ADCY4: variants seen among roughly 807,000 people sequenced by gnomAD.
The protein encoded by ADCY4 is adenylate cyclase 4.
A neutral mutation model predicts 125.5 loss-of-function variants in ADCY4; 111 were observed. The observed-to-expected ratio is 0.88, with a 90% confidence interval of 0.76 to 1.04. The LOEUF is 1.04. ADCY4 is among the 50% of genes least tolerant of loss of function. The probability of loss-of-function intolerance (pLI) is 0.00; values close to 1 mark genes in which losing one functional copy is unlikely to be tolerated. For missense variants in ADCY4, 1,256 were observed against 1,382.9 expected (o/e 0.91, Z 1.46); for synonymous variants, 576 against 586.9 (o/e 0.98, Z 0.27).
Position 24,329,069 on chromosome 14 carries a change from G to A in ADCY4, c.1516C>T (p.Pro506Ser), listed in dbSNP as rs1713462676. ...HGDSPVSTST[P>S]LPEKTLASFS... ...GATGAAGGTGCACATACCGGGAGAG[G>A]GGTGGAGGTGGACACAGGGCTGTCT... The change falls in exon 10 of 25, where the codon CCT (proline) becomes TCT (serine). Residue 506 changes from proline (P) to serine (S), a missense_variant. Coordinates refer to ENST00000418030, the MANE Select transcript of ADCY4 (RefSeq NM_001198568.2). 1 of 1,613,394 alleles carries A rather than the reference G, an allele frequency of 6.2e-7. No homozygotes were observed. Among genetic ancestry groups the A allele is most frequent in the African/African-American group, 1.3e-5 (1 of 74,864 alleles).
chr14:24,324,242 C>A lies in ADCY4; in HGVS notation c.1909-43G>T, dbSNP rs940036042. ...GCATCTTAGCCACGGGGCTGGGGCACCCTCTTCAGGACAGGTTGTGACCAG... is the reference window on the plus strand; with the variant it reads ...GCATCTTAGCCACGGGGCTGGGGCAACCTCTTCAGGACAGGTTGTGACCAG... On this transcript the variant is annotated intron_variant, in intron 15 of 24. Coordinates refer to ENST00000418030, the MANE Select transcript of ADCY4 (RefSeq NM_001198568.2). The A allele has an allele frequency of 2.5e-6, 4 of 1,613,950 alleles. No individual in the cohort carries two copies. The African/African-American group carries it at 4.0e-5, about 16-fold the overall frequency.
rs963684540 is a variant in ADCY4 at position 24,325,703 on chromosome 14, C to A, written c.1725+115G>T. The A allele has an allele frequency of 4.0e-6, 5 of 1,261,702 alleles. No individual in the cohort carries two copies. The Admixed American group carries it at 6.2e-5, about 16-fold the overall frequency. 78.2% of individuals were successfully genotyped at this position (1,261,702 alleles called of 1,614,324 possible). On this transcript the variant is annotated intron_variant, in intron 13 of 24. Transcript: ENST00000418030. Reference sequence around the variant, plus strand: ...TTTAGAGAGAGGCACAAGCTCCTCACCCCTAGGATCACAAACTGAGCAGAC... The same window carrying A: ...TTTAGAGAGAGGCACAAGCTCCTCAACCCTAGGATCACAAACTGAGCAGAC...
chr14:24,329,938 C>T lies in ADCY4; in HGVS notation c.1139G>A (p.Gly380Glu), dbSNP rs867733245. 5.6e-6 allele frequency: 9 copies of T among 1,614,124 alleles called. No homozygotes were observed. The highest frequency in any genetic ancestry group is 7.6e-6 in the Non-Finnish European group (9 of 1,180,002). The change falls in exon 8 of 25, where the codon GGG (glycine) becomes GAG (glutamate). Residue 380 changes from glycine to glutamate, a missense_variant. Coordinates refer to ENST00000418030, the MANE Select transcript of ADCY4 (RefSeq NM_001198568.2). ...AACGTCGTACTGCCACTTCTGCAGC[C>T]CGATGACTCCACACAGTACGCTGCC... Reference protein sequence around the residue: ...HSGSVLCGVIGLQKWQYDVWS... With the variant: ...HSGSVLCGVIELQKWQYDVWS...
At position 24,332,878 on chromosome 14, in the gene ADCY4, A is replaced by G. The variant is rs1460884881; in HGVS notation, c.270T>C (p.Arg90=). Reference sequence around the variant, plus strand: ...CGACCCATACCAAGCCGGACAGGGGACGCGTCCAGCGCTGCAGTCGCTGCT... The same window carrying G: ...CGACCCATACCAAGCCGGACAGGGGGCGCGTCCAGCGCTGCAGTCGCTGCT... ...SREQRLQRWT[R]PLSGLVWVAL... The change falls in exon 2 of 25, where the codon CGT becomes CGC. Residue 90 remains arginine (R), a synonymous_variant. Coordinates refer to ENST00000418030, the MANE Select transcript of ADCY4 (RefSeq NM_001198568.2). 1.2e-5 allele frequency: 19 copies of G among 1,605,784 alleles called. No individual in the cohort carries two copies. Among genetic ancestry groups the G allele is most frequent in the East Asian group, 6.7e-5 (3 of 44,704 alleles).
chr14:24,332,841 G>A lies in ADCY4; in HGVS notation c.307C>T (p.Leu103=). Residue 103 remains leucine (L), a synonymous_variant, in exon 2 of 25, where the codon CTA becomes TTA. Transcript: ENST00000418030. ...CCGGTGAACAGGAAGGCGTGGCCTA[G>A]CGCTAGCAGCGCGACCCATACCAAG... ...SGLVWVALLA[L]GHAFLFTGGV... is the part of the protein sequence containing the mutation. 2 of 1,591,870 alleles carry A rather than the reference G, an allele frequency of 1.3e-6. No homozygotes were observed. The highest frequency in any genetic ancestry group is 1.7e-6 in the Non-Finnish European group (2 of 1,167,520).
Position 24,329,510 on chromosome 14 carries a change from G to GTAGC in ADCY4, c.1237_1240dup (p.Thr414SerfsTer44), listed in dbSNP as rs1364832027. 1 of 1,551,614 alleles carries GTAGC rather than the reference G, an allele frequency of 6.4e-7. No individual in the cohort carries two copies. The highest frequency in any genetic ancestry group is 1.4e-5 in the African/African-American group (1 of 72,416). On this transcript the variant is annotated frameshift_variant, in exon 9 of 25. Transcript: ENST00000418030. LOFTEE classifies it high-confidence loss of function. ...ATAAGCCCCTGCCAGCAGGGCCAGG[G>GTAGC]TAGCCCCTGTGATGTGCACTCGCCT...
intron 16 of ADCY4, among the ~76,000 whole-genome samples, 157 bp downstream of exon 16, chr14:24,323,905 T>G (rs2041897529): frequency 6.6e-6 from 1 of 152,254 alleles, no homozygotes; most frequent in Admixed American, 6.5e-5. Context: ...GATGGTAGAT[T>G]GCTGGAGACT....
chr14:24,322,592 G>A (rs45442399), intron 19 of ADCY4, 32 bp downstream of exon 19: 126,166 of 1,605,810 alleles, frequency 0.079, 5,309 homozygotes, highest in South Asian at 0.12. Flanking sequence ...ACTCATAGGT[G>A]GGCCCTGGTG....
chr14:24,331,960 G>A, intron 3 of ADCY4, 23 bp from the exon 4 acceptor site: 2 of 1,535,870 alleles, frequency 1.3e-6, no homozygotes, highest in Non-Finnish European at 1.8e-6. Context: ...GCCAGCCTCA[G>A]AGGGCGCGGG....
chr14:24,333,797 G>A (rs1369936976), intron 1 of ADCY4, among the ~76,000 whole-genome samples: 1 of 152,180 alleles, frequency 6.6e-6, no homozygotes, highest in African/African-American at 2.4e-5. Flanking sequence ...GCAGCAGGGG[G>A]CGCCAGGACC....
intron 1 of ADCY4, 68 bp downstream of exon 1, chr14:24,334,426 C>G: frequency 6.8e-7 from 1 of 1,472,582 alleles, no homozygotes; most frequent in Non-Finnish European, 8.9e-7. Context: ...GAAAAGAAGA[C>G]CCCACAAACC....
In ADCY4 at chr14:24,322,176, G is replaced by A. The variant is rs772523605; in HGVS notation, c.2476C>T (p.Gln826Ter). ...LDFLWKKKLR[Q>*]EREETETMEN... is the part of the protein sequence containing the mutation. ...ATCGTCTCTGTCTCCTCCCTCTCCTGCCTCAGCTTCTTCTTCCACAGGAAG... is the reference window on the plus strand; with the variant it reads ...ATCGTCTCTGTCTCCTCCCTCTCCTACCTCAGCTTCTTCTTCCACAGGAAG... The change falls in exon 20 of 25, where the codon CAG becomes TAG. Residue 826 changes from glutamine to a stop codon, truncating the protein, a stop_gained. Coordinates refer to ENST00000418030, the MANE Select transcript of ADCY4 (RefSeq NM_001198568.2). LOFTEE classifies it high-confidence loss of function. 1.2e-6 allele frequency: 2 copies of A among 1,614,070 alleles called. No individual in the cohort carries two copies. Among genetic ancestry groups the A allele is most frequent in the South Asian group, 2.2e-5 (2 of 91,078 alleles).
intron 4 of ADCY4, 96 bp from the exon 5 acceptor site, chr14:24,331,452 G>T: frequency 6.5e-7 from 1 of 1,540,414 alleles, no homozygotes; most frequent in South Asian, 1.2e-5. Flanking sequence ...GCCCATCCTA[G>T]GTGCTCCCCA....
At chr14:24,327,367 C>T (rs1205002530) in intron 10 of ADCY4, among the ~76,000 whole-genome samples, 1 of 152,124 alleles carries the variant, frequency 6.6e-6, no homozygotes, top group African/African-American at 2.4e-5. Context: ...AGCATGGGCC[C>T]CGGCAGGCAT....
rs149986845 is a variant in ADCY4 at position 24,331,128 on chromosome 14, C to G, written c.820G>C (p.Val274Leu). The G allele has an allele frequency of 6.2e-7, 1 of 1,612,968 alleles. No homozygotes were observed. Among genetic ancestry groups the G allele is most frequent in the East Asian group, 2.2e-5 (1 of 44,832 alleles). ...LYVKRHQGVS[V>L]LYADIVGFTR... is the part of the protein sequence containing the mutation. ...AAGCCCACGATGTCAGCATACAGCA[C>G]GCTGCATAGGGCAGACTGTGTCAGC... Residue 274 changes from valine to leucine, a missense_variant and splice_region_variant, in exon 6 of 25, where the codon GTG becomes CTG. Physicochemically the swap from Val to Leu is conservative, Grantham distance 32. Transcript: ENST00000418030.
Position 24,329,146 on chromosome 14 carries a change from C to T in ADCY4, c.1439G>A (p.Arg480His), listed in dbSNP as rs200743091. ...GGCTGCGCCCCAGGACTCCAGGTAA[C>T]GGGTCATCAGCAGTGATGGACGCAT... is the stretch of plus-strand genomic sequence containing the variant. The part of the protein sequence containing the change: ...LKMRPSLLMT[R>H]YLESWGAAKP... Residue 480 changes from arginine (R) to histidine (H), a missense_variant, in exon 10 of 25, where the codon CGT becomes CAT. Transcript: ENST00000418030. 7 of 1,613,840 alleles carry T rather than the reference C, an allele frequency of 4.3e-6. No homozygotes were observed. Among genetic ancestry groups the T allele is most frequent in the Non-Finnish European group, 4.2e-6 (5 of 1,179,928 alleles).
At chr14:24,323,937 G>C in intron 16 of ADCY4, 125 bp downstream of exon 16, 2 of 1,360,290 alleles carry the variant, frequency 1.5e-6, no homozygotes, top group Non-Finnish European at 2.0e-6. Flanking sequence ...CTTTCTATTT[G>C]TACAACATTT....
Position 24,319,575 on chromosome 14 carries a change from G to A in ADCY4, c.2734-139C>T. The A allele has an allele frequency of 8.3e-7, 1 of 1,204,294 alleles. No homozygotes were observed. Among genetic ancestry groups the A allele is most frequent in the Non-Finnish European group, 1.2e-6 (1 of 835,306 alleles). 74.6% of individuals were successfully genotyped at this position (1,204,294 alleles called of 1,614,324 possible). ...AGTGTCAGGAAGGAGAGGGTTGGTG[G>A]TGGGCAGTGTTGCTGGAGTGGGTAG... is the stretch of plus-strand genomic sequence containing the variant. On this transcript the variant is annotated intron_variant, in intron 21 of 24. Transcript: ENST00000418030. This position sits in a 1 kb window ranked among gnomAD's most constrained non-coding sequence, Gnocchi z 4.5.
chr14:24,333,077 C>G, intron 1 of ADCY4, 89 bp from the exon 2 acceptor site: 1 of 1,345,384 alleles, frequency 7.4e-7, no homozygotes. Flanking sequence ...CCCCTCAGCC[C>G]AGTTCTGAAA....
Sources: gnomAD v4.1 joint callset for allele counts (sites outside exome capture counted in the v4.1 genomes callset) on GRCh38, gnomAD v4.1.1 for gene constraint, Gnocchi (gnomAD v3.1) non-coding constraint, MANE v1.5 for transcripts, NCBI Gene and HGNC (gene_info 2026-07-23, HGNC 2026-07-21) for gene names.